Variants in NUBPL observed in about 807,000 individuals in gnomAD.
The protein encoded by NUBPL is NUBP iron-sulfur cluster assembly factor, mitochondrial.
In NUBPL, 31 loss-of-function variants were observed where a neutral mutation model predicts 45.7. The observed-to-expected ratio is 0.68, with a 90% confidence interval of 0.51 to 0.92. NUBPL has a LOEUF of 0.92. Ranked by LOEUF, NUBPL falls within the 40% of genes least tolerant of loss-of-function variation. The pLI is 0.00. For synonymous variants in NUBPL, 144 were observed against 140.9 expected, an observed-to-expected ratio of 1.02 and a Z score of -0.15; for missense variants, 401 against 398.7, an observed-to-expected ratio of 1.01 and a Z score of -0.05.
chr14:31,584,098 T>TA (rs2033933589), intron 3 of NUBPL, among the ~76,000 whole-genome samples: 1 of 152,162 alleles, frequency 6.6e-6, no homozygotes, highest in African/African-American at 2.4e-5. Context: ...GTAACCTATG[T>TA]ATTTGATTAA....
At chr14:31,706,533 CGTT>C (rs1207328353) in intron 6 of NUBPL, among the ~76,000 whole-genome samples, 1 of 152,032 alleles carries the variant, frequency 6.6e-6, no homozygotes, top group South Asian at 2.1e-4. Context: ...GTTTGAAAGG[CGTT>C]GTCTGATTTC....
At chr14:31,692,727 C>G (rs2037120633) in intron 6 of NUBPL, among the ~76,000 whole-genome samples, 2 of 152,194 alleles carry the variant, frequency 1.3e-5, no homozygotes, top group Non-Finnish European at 2.9e-5. Context: ...AAGGAATATT[C>G]TCAGCTTTTG....
chr14:31,598,008 T>C (rs986810664), intron 3 of NUBPL, among the ~76,000 whole-genome samples: 1 of 152,142 alleles, frequency 6.6e-6, no homozygotes, highest in Non-Finnish European at 1.5e-5. Context: ...TTAAATCTGA[T>C]ACCTAAATGC....
chr14:31,713,225 T>C (rs919101691), intron 6 of NUBPL, among the ~76,000 whole-genome samples: 4 of 152,228 alleles, frequency 2.6e-5, no homozygotes, highest in African/African-American at 9.6e-5. Flanking sequence ...CTTTCTCAAC[T>C]TGAGTGCCCT....
At chr14:31,784,360 A>C (rs2039247883) in intron 6 of NUBPL, among the ~76,000 whole-genome samples, 1 of 152,222 alleles carries the variant, frequency 6.6e-6, no homozygotes, top group Non-Finnish European at 1.5e-5. Context: ...TCATGAAGTC[A>C]TGAAGTCTTT....
intron 6 of NUBPL, among the ~76,000 whole-genome samples, chr14:31,767,393 C>T (rs1464120838): frequency 6.6e-6 from 1 of 151,954 alleles, no homozygotes; most frequent in Admixed American, 6.6e-5. Context: ...TTAGTAGAGA[C>T]AGGCTACTAA....
chr14:31,568,182 C>T (rs1018868619), intron 3 of NUBPL, among the ~76,000 whole-genome samples: 2 of 151,954 alleles, frequency 1.3e-5, no homozygotes, highest in African/African-American at 4.8e-5. Context: ...AGGAAGGAAA[C>T]GGAAAATTCA....
chr14:31,748,607 G>C (rs1310020388), intron 6 of NUBPL, among the ~76,000 whole-genome samples: 2 of 150,938 alleles, frequency 1.3e-5, no homozygotes, highest in Non-Finnish European at 2.9e-5. Flanking sequence ...AGTTCTTCCT[G>C]CTTTGTTATT....
chr14:31,610,050 GAA>G (rs1419040610), intron 4 of NUBPL, among the ~76,000 whole-genome samples: 2 of 151,920 alleles, frequency 1.3e-5, no homozygotes, highest in South Asian at 4.1e-4. Flanking sequence ...ATTAGTAGAA[GAA>G]AAGACATAAT....
At chr14:31,610,938 T>C (rs890989238) in intron 4 of NUBPL, among the ~76,000 whole-genome samples, 7 of 152,080 alleles carry the variant, frequency 4.6e-5, no homozygotes, top group Non-Finnish European at 8.8e-5. Flanking sequence ...CTCAACATAA[T>C]AAACAGCATG....
chr14:31,814,789 A>G (rs2039882583), intron 7 of NUBPL, among the ~76,000 whole-genome samples: 1 of 152,202 alleles, frequency 6.6e-6, no homozygotes, highest in African/African-American at 2.4e-5. Context: ...CTTATTAAAT[A>G]GGGAATCCTT....
intron 7 of NUBPL, chr14:31,801,295 C>G (rs776382361): frequency 2.0e-5 from 3 of 152,214 alleles, no homozygotes; most frequent in Admixed American, 6.5e-5. Context: ...ATACAGTCCA[C>G]AGAGGTCAAC....
intron 4 of NUBPL, among the ~76,000 whole-genome samples, chr14:31,603,674 A>C (rs540346820): frequency 6.6e-6 from 1 of 152,356 alleles, no homozygotes; most frequent in South Asian, 2.1e-4. Context: ...GATTCTCCCT[A>C]ACATTTTGAA....
At chr14:31,562,462 T>A (rs1401775744) in intron 2 of NUBPL, among the ~76,000 whole-genome samples, 1 of 152,176 alleles carries the variant, frequency 6.6e-6, no homozygotes, top group Non-Finnish European at 1.5e-5. Context: ...AAATCTTCAG[T>A]TCACTTAACT....
Position 31,565,019 on chromosome 14 carries a change from C to A in NUBPL, c.262C>A (p.Leu88Ile). 6.5e-7 allele frequency: 1 copy of A among 1,549,208 alleles called. No individual in the cohort carries two copies. The highest frequency in any genetic ancestry group is 8.8e-7 in the Non-Finnish European group (1 of 1,130,738). The change falls in exon 3 of 11, where the codon CTT becomes ATT. Residue 88 changes from leucine (L) to isoleucine (I), a missense_variant. Transcript: ENST00000281081. ...ACTTTTTTTGTTTCTTACAGTGAAT[C>A]TTGCACTTGCACTAGCAGCGAACGA... Reference protein sequence around the residue: ...GVGKSTTAVNLALALAANDSS... With the variant: ...GVGKSTTAVNIALALAANDSS...
chr14:31,693,596 A>G (rs2037139193), intron 6 of NUBPL, among the ~76,000 whole-genome samples: 1 of 152,072 alleles, frequency 6.6e-6, no homozygotes, highest in African/African-American at 2.4e-5. Flanking sequence ...CTATGCATTA[A>G]CTATAGGTGA....
intron 7 of NUBPL, among the ~76,000 whole-genome samples, chr14:31,820,393 G>C (rs575929287): frequency 6.6e-6 from 1 of 152,208 alleles, no homozygotes; most frequent in African/African-American, 2.4e-5. Flanking sequence ...ATTGGCTCAT[G>C]TTTCTGGGAA....
chr14:31,572,902 C>T (rs1402886099), intron 3 of NUBPL, among the ~76,000 whole-genome samples: 2 of 152,106 alleles, frequency 1.3e-5, no homozygotes, highest in Non-Finnish European at 2.9e-5. Flanking sequence ...ACGTTTGTAA[C>T]ACAATGGTAA....
intron 6 of NUBPL, among the ~76,000 whole-genome samples, chr14:31,703,802 C>T (rs1456579888): frequency 6.6e-6 from 1 of 152,192 alleles, no homozygotes; most frequent in Admixed American, 6.5e-5. Context: ...GCTCAATCGC[C>T]CAATACCTGA....
Sources: gnomAD v4.1 joint callset for allele counts (sites outside exome capture counted in the v4.1 genomes callset) on GRCh38, gnomAD v4.1.1 for gene constraint, MANE v1.5 for transcripts, NCBI Gene and HGNC (gene_info 2026-07-23, HGNC 2026-07-21) for gene names.